ABCA12: variants seen among roughly 807,000 people sequenced by gnomAD.
ABCA12 encodes glucosylceramide transporter ABCA12.
A neutral mutation model predicts 293.5 loss-of-function variants in ABCA12; 156 were observed. The observed-to-expected ratio is 0.53, with a 90% CI of 0.47 to 0.61. The LOEUF (loss-of-function observed/expected upper bound fraction) is 0.61. Ranked by LOEUF, ABCA12 falls within the 20% of genes least tolerant of loss-of-function variation. ABCA12 has a pLI of 0.00. For missense variants in ABCA12, 2,797 were observed against 3,090.2 expected (o/e 0.91, Z 2.25); for synonymous variants, 1,063 against 1,108.0 (o/e 0.96, Z 0.81).
chr2:215,082,043 CTTTTTTTTT>C (rs549072917), intron 2 of ABCA12, among the ~76,000 whole-genome samples: 2 of 113,160 alleles, frequency 1.8e-5, no homozygotes, highest in Non-Finnish European at 1.7e-5. Flanking sequence ...ATTGTTAATT[CTTTTTTTTT>C]TTTTTTTTTT....
In ABCA12 at chr2:214,942,782, G is replaced by A. The variant is rs1698448842; in HGVS notation, c.7436+143C>T. On this transcript the variant is annotated intron_variant, in intron 50 of 52. Coordinates refer to ENST00000272895, the MANE Select transcript of ABCA12 (RefSeq NM_173076.3). ...CCCAATAAAATAATTTAAATTTAAG[G>A]TGAGTCAGTGACTAGCTTCCAAAGA... 7.6e-6 allele frequency: 5 copies of A among 660,812 alleles called. No individual in the cohort carries two copies. In the East Asian group the frequency reaches 1.1e-4, roughly 15 times the overall value. 40.9% of individuals were successfully genotyped at this position (660,812 alleles called of 1,614,324 possible).
intron 41 of ABCA12, among the ~76,000 whole-genome samples, 195 bp downstream of exon 41, chr2:214,958,082 G>A (rs1574941637): frequency 6.6e-6 from 1 of 152,144 alleles, no homozygotes; most frequent in East Asian, 1.9e-4. Context: ...ATAGTCCACA[G>A]AGATGAGGGC....
Position 215,011,554 on chromosome 2 carries a change from T to C in ABCA12, c.2217A>G (p.Leu739=). 6.2e-7 allele frequency: 1 copy of C among 1,614,080 alleles called. No homozygotes were observed. The highest frequency in any genetic ancestry group is 2.2e-5 in the East Asian group (1 of 44,868). The part of the protein sequence containing the change: ...LCSQGITTEY[L]TAMLPSSQRP... ...TCTGGGAAGAGGGCAGCATGGCAGT[T>C]AAATATTCAGTGGTAATTCCTTGAG... Residue 739 remains leucine (L), a synonymous_variant, in exon 17 of 53, where the codon TTA becomes TTG. Coordinates refer to ENST00000272895, the MANE Select transcript of ABCA12 (RefSeq NM_173076.3).
Position 215,018,136 on chromosome 2 carries a change from CA to C in ABCA12, c.1658-5del. The C allele has an allele frequency of 1.2e-6, 2 of 1,611,250 alleles. No homozygotes were observed. Among genetic ancestry groups the C allele is most frequent in the Non-Finnish European group, 1.7e-6 (2 of 1,178,956 alleles). ...TTAAACATTTCTAGTAACTGACCTG[CA>C]AGAAGAAAAATGTAAAAAGAAAACC... On this transcript the variant is annotated splice_region_variant and splice_polypyrimidine_tract_variant and intron_variant, in intron 13 of 52. Coordinates refer to ENST00000272895, the MANE Select transcript of ABCA12 (RefSeq NM_173076.3).
chr2:215,003,228 T>C (rs189442290), intron 20 of ABCA12, among the ~76,000 whole-genome samples: 1 of 152,176 alleles, frequency 6.6e-6, no homozygotes, highest in Non-Finnish European at 1.5e-5. Flanking sequence ...CATGGTTGCA[T>C]AGCAACAGTG....
At chr2:214,960,653 T>C (rs1220100297) in intron 39 of ABCA12, 3 of 152,130 alleles carry the variant, frequency 2.0e-5, no homozygotes, top group East Asian at 3.8e-4. Flanking sequence ...TTCTTACATA[T>C]AATGTATATT....
chr2:215,010,692 G>C, intron 17 of ABCA12, among the ~76,000 whole-genome samples: 1 of 152,120 alleles, frequency 6.6e-6, no homozygotes, highest in Non-Finnish European at 1.5e-5. Flanking sequence ...CCCAGAGTAA[G>C]TGATGGCATT....
intron 2 of ABCA12, among the ~76,000 whole-genome samples, chr2:215,081,308 T>C (rs570972677): frequency 6.6e-6 from 1 of 151,370 alleles, no homozygotes; most frequent in South Asian, 2.1e-4. Context: ...TGAAACCCCA[T>C]CTCTACTAAA....
chr2:215,109,926 AG>A (rs1435196269), intron 2 of ABCA12, among the ~76,000 whole-genome samples: 1 of 152,234 alleles, frequency 6.6e-6, no homozygotes, highest in African/African-American at 2.4e-5. Context: ...GAAAATTGAT[AG>A]TTAGCATATT....
chr2:214,938,886 AT>A, intron 50 of ABCA12, among the ~76,000 whole-genome samples: 1 of 151,874 alleles, frequency 6.6e-6, no homozygotes, highest in East Asian at 1.9e-4. Flanking sequence ...GATTGCAAAA[AT>A]TTTCTCCCGT....
chr2:215,132,397 T>A (rs911386803), intron 1 of ABCA12, among the ~76,000 whole-genome samples: 12 of 152,082 alleles, frequency 7.9e-5, no homozygotes, highest in African/African-American at 2.4e-4. Flanking sequence ...TAGTAGTATT[T>A]ATTTTGTAAA....
chr2:215,121,391 A>G (rs1045857058), intron 1 of ABCA12, among the ~76,000 whole-genome samples: 4 of 152,198 alleles, frequency 2.6e-5, no homozygotes, highest in African/African-American at 9.6e-5. Context: ...AATTGCTCAA[A>G]CTTCCATATA....
chr2:214,986,686 T>G lies in ABCA12; in HGVS notation c.4019A>C (p.Lys1340Thr). 1 of 1,614,110 alleles carries G rather than the reference T, an allele frequency of 6.2e-7. No homozygotes were observed. The highest frequency in any genetic ancestry group is 1.1e-5 in the South Asian group (1 of 91,082). Residue 1340 changes from lysine to threonine, a missense_variant, in exon 28 of 53, where the codon AAA becomes ACA. By Grantham distance (78) the Lys-to-Thr change is moderately conservative. Transcript: ENST00000272895. Reference sequence around the variant, plus strand: ...CAGGGCAACCCCGACTGTGAGATCTTTAGGTTCAGGCTCGATGTTAGAGGA... The same window carrying G: ...CAGGGCAACCCCGACTGTGAGATCTGTAGGTTCAGGCTCGATGTTAGAGGA... ...MFSSNIEPEP[K>T]DLTVGVALHG...
In ABCA12 at chr2:215,103,267, C is replaced by CTTT. The variant is rs72000528; in HGVS notation, c.163+8327_163+8329dup. Among the ~76,000 whole-genome samples the CTTT allele has an allele frequency of 3.2e-4, 39 of 122,366 alleles. 1 individual carries two copies. The highest frequency in any genetic ancestry group is 4.8e-4 in the Non-Finnish European group (29 of 60,634). 80.3% of individuals were successfully genotyped at this position (122,366 alleles called of 152,430 possible). On this transcript the variant is annotated intron_variant, in intron 2 of 52. Transcript: ENST00000272895. ...TAACAATGTCTCTTAAAATTTCTTTCTTTTTTTTTTTTTTTTTTTGAGACA... is the reference window on the plus strand; with the variant it reads ...TAACAATGTCTCTTAAAATTTCTTTCTTTTTTTTTTTTTTTTTTTTTTGAGACA...
rs186240226 is a variant in ABCA12 at position 215,026,935 on chromosome 2, G to T, written c.1065C>A (p.Leu355=). 6.4e-7 allele frequency: 1 copy of T among 1,560,852 alleles called. No individual in the cohort carries two copies. Among genetic ancestry groups the T allele is most frequent in the Admixed American group, 1.7e-5 (1 of 59,942 alleles). ...TLSPSSLAAQ[L]LILENFEDAL... ...CATCTTCAAAGTTTTCCAGAATTAGGAGCCTGCAGAATTAGAAAAGAATAT... is the reference window on the plus strand; with the variant it reads ...CATCTTCAAAGTTTTCCAGAATTAGTAGCCTGCAGAATTAGAAAAGAATAT... Residue 355 remains leucine (L), a synonymous_variant, in exon 10 of 53, where the codon CTC becomes CTA. Transcript: ENST00000272895.
intron 1 of ABCA12, among the ~76,000 whole-genome samples, chr2:215,113,799 G>A (rs1458386875): frequency 6.6e-6 from 1 of 152,150 alleles, no homozygotes; most frequent in Admixed American, 6.5e-5. Flanking sequence ...GTTATTAGAA[G>A]AACCTGTGAC....
chr2:215,074,918 G>A (rs1290836808), intron 2 of ABCA12, among the ~76,000 whole-genome samples: 2 of 151,808 alleles, frequency 1.3e-5, no homozygotes, highest in Non-Finnish European at 2.9e-5. Context: ...CTCAAGCCTG[G>A]GTGACAGAGC....
rs150996317 is a variant in ABCA12 at position 215,115,669 on chromosome 2, C to T, written c.70-3979G>A. 4.6e-5 allele frequency among the ~76,000 whole-genome samples: 7 copies of T among 152,182 alleles called. 1 individual carries two copies. Among genetic ancestry groups the T allele is most frequent in the African/African-American group, 1.7e-4 (7 of 41,440 alleles). ...TGATTCCTTAGTGGGCCAGGGCATT[C>T]GTGTCCTTTTATTTCTCCAGGATTT... On this transcript the variant is annotated intron_variant, in intron 1 of 52. Transcript: ENST00000272895.
In ABCA12 at chr2:215,088,970, C is replaced by G. The variant is rs529265183; in HGVS notation, c.163+22627G>C. On this transcript the variant is annotated intron_variant, in intron 2 of 52. Transcript: ENST00000272895. ...ATTCATATATGTCCATCCATCCACC[C>G]CTCCCTCCCTCCATTTAATAAATAT... Among the ~76,000 whole-genome samples, 4 of 152,132 alleles carry G rather than the reference C, an allele frequency of 2.6e-5. No individual in the cohort carries two copies. The South Asian group carries it at 6.2e-4, about 24-fold the overall frequency.
Sources: gnomAD v4.1 joint callset for allele counts (sites outside exome capture counted in the v4.1 genomes callset) on GRCh38, gnomAD v4.1.1 for gene constraint, MANE v1.5 for transcripts, NCBI Gene and HGNC (gene_info 2026-07-23, HGNC 2026-07-21) for gene names.